SNPH: variants seen among roughly 807,000 people sequenced by gnomAD.
The protein encoded by SNPH is syntaphilin.
In SNPH, 10 loss-of-function variants were observed where a neutral mutation model predicts 36.8. That is an observed-to-expected ratio of 0.27 (90% CI 0.17 to 0.46). SNPH has a LOEUF of 0.46. Among genes scored for constraint, SNPH ranks in the 20% least tolerant of loss-of-function variants. The pLI is 1.00. For synonymous variants in SNPH, 281 were observed against 312.2 expected, an observed-to-expected ratio of 0.90 and a Z score of 1.05; for missense variants, 622 against 744.0, an observed-to-expected ratio of 0.84 and a Z score of 1.91.
Position 1,304,825 on chromosome 20 carries a change from T to C in SNPH, c.441-53T>C. 2 of 1,551,608 alleles carry C rather than the reference T, an allele frequency of 1.3e-6. No individual in the cohort carries two copies. The highest frequency in any genetic ancestry group is 1.8e-6 in the Non-Finnish European group (2 of 1,135,100). ...TCCTCTCCCTGCCTCTCCTTGGCGG[T>C]GACAGACCAGGCAGGCAGGCAGTGA... On this transcript the variant is annotated intron_variant, in intron 6 of 6. Coordinates refer to ENST00000381867, the MANE Select transcript of SNPH (RefSeq NM_001318234.2). The surrounding 1 kb of genome is among the most constrained non-coding windows in gnomAD (Gnocchi z 4.3).
chr20:1,297,195 T>TCAG lies in SNPH; in HGVS notation c.245_247dup (p.Ser82dup), dbSNP rs751202274. 3 of 1,613,838 alleles carry TCAG rather than the reference T, an allele frequency of 1.9e-6. No individual in the cohort carries two copies. Among genetic ancestry groups the TCAG allele is most frequent in the South Asian group, 1.1e-5 (1 of 91,066 alleles). ...CGGGATGCCTACGGCACCTCTTCGCTCAGCAGCAGCAGCAATTCTGGCTCC... is the reference window on the plus strand; with the variant it reads ...CGGGATGCCTACGGCACCTCTTCGCTCAGCAGCAGCAGCAGCAATTCTGGCTCC... On this transcript the variant is annotated inframe_insertion, in exon 5 of 7. Coordinates refer to ENST00000381867, the MANE Select transcript of SNPH (RefSeq NM_001318234.2).
intron 2 of SNPH, among the ~76,000 whole-genome samples, chr20:1,281,168 A>T (rs932060628): frequency 6.6e-6 from 1 of 152,094 alleles, no homozygotes; most frequent in Admixed American, 6.5e-5. Flanking sequence ...CCTACAGCCT[A>T]TCTCTTCTGG....
In SNPH at chr20:1,304,097, G is replaced by A. The variant is rs551753191; in HGVS notation, c.441-781G>A. Among the ~76,000 whole-genome samples, 89 of 152,278 alleles carry A rather than the reference G, an allele frequency of 5.8e-4. No individual in the cohort carries two copies. The South Asian group carries it at 0.013, about 23-fold the overall frequency. ...GAGCATTTCTGGACAAGAGTCTGCC[G>A]ACTATCTTGTTCACCTGGTGCTTGC... On this transcript the variant is annotated intron_variant, in intron 6 of 6. Coordinates refer to ENST00000381867, the MANE Select transcript of SNPH (RefSeq NM_001318234.2). This position sits in a 1 kb window ranked among gnomAD's most constrained non-coding sequence, Gnocchi z 4.3.
At position 1,305,338 on chromosome 20, in the gene SNPH, G is replaced by A. The variant is rs138783054; in HGVS notation, c.901G>A (p.Ala301Thr). 6.0e-5 allele frequency: 97 copies of A among 1,611,088 alleles called. No homozygotes were observed. Among genetic ancestry groups the A allele is most frequent in the Middle Eastern group, 1.6e-4 (1 of 6,080 alleles). The stretch of plus-strand genomic sequence containing the variant: ...CGATGACACACTGAGCCGGACGGAC[G>A]CGCTGGAAGCCAGCAGCCTGCTGTC... Reference protein sequence around the residue: ...AADDTLSRTDALEASSLLSSG... With the variant: ...AADDTLSRTDTLEASSLLSSG... Residue 301 changes from alanine to threonine, a missense_variant, in exon 7 of 7, where the codon GCG becomes ACG. By Grantham distance (58) the Ala-to-Thr change is moderately conservative. Coordinates refer to ENST00000381867, the MANE Select transcript of SNPH (RefSeq NM_001318234.2).
rs1600262506 is a variant in SNPH, at chr20:1,299,417, G to T, written c.291-1145G>T. On this transcript the variant is annotated intron_variant, in intron 5 of 6. Coordinates refer to ENST00000381867, the MANE Select transcript of SNPH (RefSeq NM_001318234.2). ...CCCAGGTTTTAAGCCAAGATCCAAG[G>T]TTTCTGTTTGAGCAAAACAACCAGC... 3.3e-5 allele frequency among the ~76,000 whole-genome samples: 5 copies of T among 152,336 alleles called. No individual in the cohort carries two copies. In the South Asian group the frequency reaches 1.0e-3, roughly 32 times the overall value.
At chr20:1,299,106 G>T (rs573452922) in intron 5 of SNPH, among the ~76,000 whole-genome samples, 1 of 152,104 alleles carries the variant, frequency 6.6e-6, no homozygotes, top group South Asian at 2.1e-4. Flanking sequence ...GGGCCATGAC[G>T]TGAGTACATA....
In SNPH at chr20:1,305,098, C is replaced by T; in HGVS notation, c.661C>T (p.Leu221=). The T allele has an allele frequency of 1.9e-6, 3 of 1,613,982 alleles. No individual in the cohort carries two copies. Among genetic ancestry groups the T allele is most frequent in the Non-Finnish European group, 2.5e-6 (3 of 1,180,040 alleles). Residue 221 remains leucine, a synonymous_variant, in exon 7 of 7, where the codon CTG becomes TTG. Transcript: ENST00000381867. ...GGACATCAACATCCAGAACAAGAAGCTGGAGACGCTGCTGCACAGCATGGA... is the reference window on the plus strand; with the variant it reads ...GGACATCAACATCCAGAACAAGAAGTTGGAGACGCTGCTGCACAGCATGGA... ...FVDINIQNKK[L]ETLLHSMEVA...
chr20:1,295,602 G>A (rs762535163), intron 3 of SNPH, among the ~76,000 whole-genome samples, 174 bp from the exon 4 acceptor site: 9 of 152,250 alleles, frequency 5.9e-5, no homozygotes, highest in South Asian at 4.1e-4. Flanking sequence ...GCATGGGTGC[G>A]GGAGGACCTG....
chr20:1,286,541 T>C (rs1367338360), intron 2 of SNPH, among the ~76,000 whole-genome samples: 1 of 152,182 alleles, frequency 6.6e-6, no homozygotes, highest in East Asian at 1.9e-4. Context: ...TGCAGGAAGA[T>C]AGATGAACCT....
intron 2 of SNPH, among the ~76,000 whole-genome samples, chr20:1,286,530 C>T (rs754935279): frequency 6.6e-6 from 1 of 152,172 alleles, no homozygotes; most frequent in Non-Finnish European, 1.5e-5. Context: ...CCCCTGGGAG[C>T]TGCAGGAAGA....
At chr20:1,296,536 C>T in intron 4 of SNPH, 115 bp downstream of exon 4, 1 of 886,634 alleles carries the variant, frequency 1.1e-6, no homozygotes, top group Non-Finnish European at 1.7e-6. Context: ...ATTTCCCATT[C>T]CCATCTTTAA....
In SNPH at chr20:1,270,593, T is replaced by C. The variant is rs537546015; in HGVS notation, c.-493+3833T>C. Among the ~76,000 whole-genome samples, 4 of 152,304 alleles carry C rather than the reference T, an allele frequency of 2.6e-5. No homozygotes were observed. In the South Asian group the frequency reaches 8.3e-4, roughly 32 times the overall value. On this transcript the variant is annotated intron_variant, in intron 2 of 6. Transcript: ENST00000381867. ...GGTGGACATGGAGTCTAGGGGACTATCCAAGCTCACGCTGTAACACAATTT... is the reference window on the plus strand; with the variant it reads ...GGTGGACATGGAGTCTAGGGGACTACCCAAGCTCACGCTGTAACACAATTT...
chr20:1,286,958 C>T (rs1422633097), intron 2 of SNPH, among the ~76,000 whole-genome samples: 1 of 152,110 alleles, frequency 6.6e-6, no homozygotes, highest in Non-Finnish European at 1.5e-5. Flanking sequence ...CAAAGCACAG[C>T]ACACACAGGG....
intron 4 of SNPH, 65 bp from the exon 5 acceptor site, chr20:1,297,080 T>C (rs2088446052): frequency 6.5e-7 from 1 of 1,538,762 alleles, no homozygotes; most frequent in Admixed American, 1.9e-5. Flanking sequence ...CCTGGCAGTG[T>C]TCGCCCAGTG....
chr20:1,305,926 C>T lies in SNPH; in HGVS notation c.1489C>T (p.Pro497Ser). ...LCRSQRRQGQ[P>S]IYNISSLLRG... ...CCGCTCCCAGCGGCGCCAGGGCCAG[C>T]CCATCTACAACATCAGCTCCCTGCT... The change falls in exon 7 of 7, where the codon CCC becomes TCC. Residue 497 changes from proline to serine, a missense_variant. Around this residue, in one of 3 missense-constraint regions of SNPH, gnomAD observed 379 missense variants for 427.9 expected, o/e 0.89. Transcript: ENST00000381867. 1 of 1,592,384 alleles carries T rather than the reference C, an allele frequency of 6.3e-7. No homozygotes were observed. Among genetic ancestry groups the T allele is most frequent in the South Asian group, 1.1e-5 (1 of 88,386 alleles).
intron 2 of SNPH, among the ~76,000 whole-genome samples, chr20:1,289,362 G>A (rs1212206782): frequency 6.6e-6 from 1 of 152,262 alleles, no homozygotes; most frequent in African/African-American, 2.4e-5. Context: ...GTCTAGGGAA[G>A]CATCCTGGGC....
chr20:1,290,243 C>G (rs2088342890), intron 2 of SNPH, among the ~76,000 whole-genome samples: 1 of 151,656 alleles, frequency 6.6e-6, no homozygotes, highest in African/African-American at 2.4e-5. Context: ...TTAAAATGTA[C>G]AATTCAGGGA....
Position 1,266,628 on chromosome 20 carries a change from T to G in SNPH, c.-599-26T>G. 6.7e-7 allele frequency: 1 copy of G among 1,482,484 alleles called. No individual in the cohort carries two copies. The highest frequency in any genetic ancestry group is 1.3e-5 in the South Asian group (1 of 76,348). 91.8% of individuals were successfully genotyped at this position (1,482,484 alleles called of 1,614,324 possible). On this transcript the variant is annotated intron_variant, in intron 1 of 6. Transcript: ENST00000381867. This position sits in a 1 kb window ranked among gnomAD's most constrained non-coding sequence, Gnocchi z 6.0. ...CCCCGCCCGCGCTCACCCGCCCCGG[T>G]CTATCTCTTTTTCCTAACCCCGCAG... is the stretch of plus-strand genomic sequence containing the variant.
At chr20:1,283,272 C>T (rs1161630409) in intron 2 of SNPH, among the ~76,000 whole-genome samples, 5 of 152,188 alleles carry the variant, frequency 3.3e-5, no homozygotes, top group South Asian at 2.1e-4. Context: ...GATTCAGAGC[C>T]GTAAGCCTGG....
Sources: gnomAD v4.1 joint callset for allele counts (sites outside exome capture counted in the v4.1 genomes callset) on GRCh38, gnomAD v4.1.1 for gene constraint, gnomAD v4.1.1 regional missense constraint, Gnocchi (gnomAD v3.1) non-coding constraint, MANE v1.5 for transcripts, NCBI Gene and HGNC (gene_info 2026-07-23, HGNC 2026-07-21) for gene names.